Variants in TMEM132D observed in about 807,000 individuals in gnomAD.
The protein encoded by TMEM132D is transmembrane protein 132D.
In TMEM132D, 21 loss-of-function variants were observed where a neutral mutation model predicts 62.3. The ratio of observed to expected loss-of-function variants is 0.34; its 90% CI spans 0.24 to 0.49. The LOEUF (loss-of-function observed/expected upper bound fraction) is 0.49, where lower values mean the gene tolerates loss of function less well. TMEM132D is among the 20% of genes least tolerant of loss of function. TMEM132D has a pLI of 0.99. For missense variants in TMEM132D, 1,346 were observed against 1,402.8 expected (o/e 0.96, Z 0.65); for synonymous variants, 621 against 575.6 (o/e 1.08, Z -1.13).
At chr12:129,131,400 C>T (rs914916351) in intron 5 of TMEM132D, among the ~76,000 whole-genome samples, 6 of 152,110 alleles carry the variant, frequency 3.9e-5, no homozygotes, top group Admixed American at 6.5e-5. Flanking sequence ...TGAGGCCAGG[C>T]GTTTGAGACC....
At chr12:129,524,072 G>C (rs955740670) in intron 3 of TMEM132D, among the ~76,000 whole-genome samples, 8 of 151,924 alleles carry the variant, frequency 5.3e-5, no homozygotes, top group African/African-American at 1.9e-4. Context: ...CACACACCGG[G>C]GCCTGTCGTG....
intron 5 of TMEM132D, among the ~76,000 whole-genome samples, chr12:129,173,299 T>C (rs1322209663): frequency 6.6e-6 from 1 of 152,208 alleles, no homozygotes; most frequent in African/African-American, 2.4e-5. Context: ...AAGAAAAGTC[T>C]TCAAAATGGG....
chr12:129,895,535 T>C (rs569293057), intron 1 of TMEM132D, among the ~76,000 whole-genome samples: 11 of 152,324 alleles, frequency 7.2e-5, no homozygotes, highest in East Asian at 3.9e-4. Context: ...CTCGGGCCAA[T>C]TGGGCTTCCT....
chr12:129,179,677 A>C (rs534642850), intron 5 of TMEM132D, among the ~76,000 whole-genome samples: 2 of 152,230 alleles, frequency 1.3e-5, no homozygotes, highest in African/African-American at 4.8e-5. Context: ...TATTTAATGA[A>C]ATGTGAACTT....
At chr12:129,507,669 AG>A in intron 3 of TMEM132D, among the ~76,000 whole-genome samples, 1 of 152,290 alleles carries the variant, frequency 6.6e-6, no homozygotes, top group South Asian at 2.1e-4. Flanking sequence ...AGGATGCAAA[AG>A]CACAAGAATG....
At chr12:129,771,509 T>C (rs1255139110) in intron 1 of TMEM132D, among the ~76,000 whole-genome samples, 1 of 152,234 alleles carries the variant, frequency 6.6e-6, no homozygotes, top group African/African-American at 2.4e-5. Context: ...GATGCAGCTA[T>C]TCATCTTGCC....
At chr12:129,218,206 T>C (rs1050395830) in intron 4 of TMEM132D, among the ~76,000 whole-genome samples, 13 of 152,232 alleles carry the variant, frequency 8.5e-5, no homozygotes, top group African/African-American at 3.1e-4. Flanking sequence ...AGAGAGCCCC[T>C]ATTCTTGCAA....
chr12:129,737,149 T>C lies in TMEM132D; in HGVS notation c.80-36451A>G, dbSNP rs186460452. 3.5e-4 allele frequency among the ~76,000 whole-genome samples: 53 copies of C among 152,288 alleles called. 1 individual carries two copies. In the East Asian group the frequency reaches 9.5e-3, roughly 27 times the overall value. On this transcript the variant is annotated intron_variant, in intron 1 of 8. Coordinates refer to ENST00000422113, the MANE Select transcript of TMEM132D (RefSeq NM_133448.3). ...GTTTCTTAACCTAGCACTACTGGCA[T>C]CTTAGACTGGAGAATTCTTTGTTGT...
At chr12:129,457,002 C>T (rs932464948) in intron 3 of TMEM132D, among the ~76,000 whole-genome samples, 1 of 152,078 alleles carries the variant, frequency 6.6e-6, no homozygotes, top group African/African-American at 2.4e-5. Flanking sequence ...GGACTGTAAA[C>T]TAGTTCGACC....
At chr12:129,377,122 T>A (rs1474020293) in intron 3 of TMEM132D, among the ~76,000 whole-genome samples, 1 of 152,178 alleles carries the variant, frequency 6.6e-6, no homozygotes, top group African/African-American at 2.4e-5. Context: ...CCTGACCTAA[T>A]GTGACTGGTG....
chr12:129,679,190 C>A (rs956770342), intron 2 of TMEM132D, among the ~76,000 whole-genome samples: 32 of 152,024 alleles, frequency 2.1e-4, no homozygotes, highest in Non-Finnish European at 3.5e-4. Flanking sequence ...TGGAGGTAAA[C>A]TGACACTTTT....
chr12:129,505,751 CA>C (rs1393001877), intron 3 of TMEM132D, among the ~76,000 whole-genome samples: 4 of 152,192 alleles, frequency 2.6e-5, no homozygotes, highest in Non-Finnish European at 4.4e-5. Flanking sequence ...TCCTGTTGGA[CA>C]AGGCTTCTTA....
intron 2 of TMEM132D, among the ~76,000 whole-genome samples, chr12:129,674,521 C>G (rs1052139631): frequency 2.0e-5 from 3 of 152,128 alleles, no homozygotes; most frequent in African/African-American, 4.8e-5. Flanking sequence ...AGTCTGAACT[C>G]TACATATGTT....
At chr12:129,224,858 AT>A (rs1879439859) in intron 4 of TMEM132D, among the ~76,000 whole-genome samples, 1 of 152,036 alleles carries the variant, frequency 6.6e-6, no homozygotes, top group African/African-American at 2.4e-5. Flanking sequence ...TTTCTTTTCC[AT>A]TTTATATATT....
chr12:129,611,229 A>G (rs1264603482), intron 2 of TMEM132D, among the ~76,000 whole-genome samples: 2 of 152,132 alleles, frequency 1.3e-5, no homozygotes, highest in African/African-American at 4.8e-5. Context: ...TGTAGTGTCT[A>G]GATTTTACTT....
At chr12:129,625,797 C>T (rs1009490453) in intron 2 of TMEM132D, among the ~76,000 whole-genome samples, 1 of 152,122 alleles carries the variant, frequency 6.6e-6, no homozygotes, top group Non-Finnish European at 1.5e-5. Flanking sequence ...TTTAAACTCC[C>T]TAATCTGTGT....
chr12:129,562,363 G>A (rs748217913), intron 2 of TMEM132D, among the ~76,000 whole-genome samples: 4 of 152,118 alleles, frequency 2.6e-5, no homozygotes, highest in East Asian at 1.9e-4. Flanking sequence ...TACCCAGCTC[G>A]AACGCCATTC....
At chr12:129,458,627 G>C (rs1480575305) in intron 3 of TMEM132D, among the ~76,000 whole-genome samples, 1 of 152,182 alleles carries the variant, frequency 6.6e-6, no homozygotes, top group Admixed American at 6.5e-5. Flanking sequence ...GACCTAAGGG[G>C]ATTTGAACTC....
intron 5 of TMEM132D, among the ~76,000 whole-genome samples, chr12:129,170,693 C>T (rs368544378): frequency 4.6e-5 from 7 of 151,858 alleles, no homozygotes; most frequent in South Asian, 2.1e-4. Context: ...AGTGTTGTGG[C>T]GCACACCTGT....
Sources: allele counts gnomAD v4.1 joint callset (sites outside exome capture counted in the v4.1 genomes callset), GRCh38; gene constraint gnomAD v4.1.1; transcripts MANE v1.5; gene names NCBI Gene and HGNC (gene_info 2026-07-23, HGNC 2026-07-21).